The following FILIP1 variants were observed in gnomAD, a reference collection of about 807,000 sequenced individuals.
FILIP1 encodes filamin A interacting protein 1.
Under a neutral mutation model 102.1 loss-of-function variants are expected in FILIP1, and 61 were observed. That is an observed-to-expected ratio of 0.60 (90% CI 0.49 to 0.74). The LOEUF is 0.74. FILIP1 is among the 30% of genes least tolerant of loss of function. The pLI is 0.00. For missense variants in FILIP1, 1,314 were observed against 1,441.2 expected (o/e 0.91, Z 1.43); for synonymous variants, 491 against 526.9 (o/e 0.93, Z 0.93).
exon 7 of FILIP1, chr6:75,294,080 A>G (rs1256770503): frequency 6.6e-6 from 1 of 152,232 alleles, no homozygotes; most frequent in Admixed American, 6.5e-5. Context: ...TTAACATCAT[A>G]TAATTTATAA....
intron 4 of FILIP1, among the ~76,000 whole-genome samples, chr6:75,329,105 T>C (rs1325375529): frequency 6.6e-6 from 1 of 152,224 alleles, no homozygotes; most frequent in Non-Finnish European, 1.5e-5. Flanking sequence ...AAGGACAAAC[T>C]GTTTGGGAGA....
At chr6:75,462,431 C>A (rs888215949) in intron 1 of FILIP1, among the ~76,000 whole-genome samples, 1 of 152,132 alleles carries the variant, frequency 6.6e-6, no homozygotes, top group Non-Finnish European at 1.5e-5. Flanking sequence ...AGAAGAGACA[C>A]TGACCCAATC....
chr6:75,441,475 C>G (rs1354170158), intron 1 of FILIP1, among the ~76,000 whole-genome samples: 1 of 152,032 alleles, frequency 6.6e-6, no homozygotes, highest in Non-Finnish European at 1.5e-5. Flanking sequence ...CATCATGGCC[C>G]GTTCTCAATG....
chr6:75,491,472 G>C (rs1020527557), intron 1 of FILIP1, among the ~76,000 whole-genome samples: 3 of 152,172 alleles, frequency 2.0e-5, no homozygotes, highest in African/African-American at 7.2e-5. Context: ...CAATGCTTTA[G>C]TAAAACCAAT....
intron 2 of FILIP1, among the ~76,000 whole-genome samples, chr6:75,409,849 C>T (rs1360605330): frequency 6.6e-6 from 1 of 152,126 alleles, no homozygotes; most frequent in Non-Finnish European, 1.5e-5. Flanking sequence ...ATGGCCCCCA[C>T]CCAGAAATGG....
At chr6:75,479,095 A>G (rs1054195752) in intron 1 of FILIP1, among the ~76,000 whole-genome samples, 13 of 152,118 alleles carry the variant, frequency 8.5e-5, no homozygotes, top group African/African-American at 3.1e-4. Flanking sequence ...CTATCCTAAC[A>G]AGGTCCCTCC....
At chr6:75,445,727 A>G (rs1013264106) in intron 1 of FILIP1, among the ~76,000 whole-genome samples, 1 of 151,348 alleles carries the variant, frequency 6.6e-6, no homozygotes, top group Non-Finnish European at 1.5e-5. Flanking sequence ...TAGTCTATAT[A>G]TTTGTAGATT....
intron 3 of FILIP1, among the ~76,000 whole-genome samples, chr6:75,354,147 C>A (rs1774906369): frequency 6.6e-6 from 1 of 152,126 alleles, no homozygotes; most frequent in Non-Finnish European, 1.5e-5. Flanking sequence ...AAATATGGGT[C>A]ATAGGATATG....
At chr6:75,399,021 C>A (rs1776561140) in intron 2 of FILIP1, 1 of 152,158 alleles carries the variant, frequency 6.6e-6, no homozygotes, top group Non-Finnish European at 1.5e-5. Flanking sequence ...TTCAGAGAAA[C>A]TTCTCTAGTA....
Position 75,308,122 on chromosome 6 carries a change from C to G in FILIP1, c.*569G>C. On this transcript the variant is annotated 3_prime_UTR_variant, in exon 6 of 6. Transcript: ENST00000237172. Reference sequence around the variant, plus strand: ...TTTCATTTCCATTTTATTACATGTTCACATTATTTCCTGAAATCATCTTAG... The same window carrying G: ...TTTCATTTCCATTTTATTACATGTTGACATTATTTCCTGAAATCATCTTAG... The G allele has an allele frequency of 5.1e-6, 5 of 985,770 alleles. No homozygotes were observed. The highest frequency in any genetic ancestry group is 6.0e-6 in the Non-Finnish European group (5 of 829,938). 61.1% of individuals were successfully genotyped at this position (985,770 alleles called of 1,614,324 possible). A position where few individuals can be genotyped will look rare whatever the true frequency, so the allele number is the denominator to read the frequency against.
At chr6:75,355,936 G>A (rs1396304708) in intron 3 of FILIP1, among the ~76,000 whole-genome samples, 1 of 152,038 alleles carries the variant, frequency 6.6e-6, no homozygotes, top group Non-Finnish European at 1.5e-5. Context: ...CTTCATTTCG[G>A]GGTGCTGTGA....
In FILIP1 at chr6:75,483,359, G is replaced by A. The variant is rs1168949534; in HGVS notation, c.-7+10055C>T. Among the ~76,000 whole-genome samples, 7 of 151,972 alleles carry A rather than the reference G, an allele frequency of 4.6e-5. 1 individual carries two copies. On this transcript the variant is annotated intron_variant, in intron 1 of 5. Coordinates refer to ENST00000237172, the MANE Select transcript of FILIP1 (RefSeq NM_015687.5). ...GGTATTGTGAGAGAAGATAGGGGGA[G>A]GTATAAAAGTCCAGACAGAGGAATC...
chr6:75,443,511 T>C (rs1202791057), intron 1 of FILIP1, among the ~76,000 whole-genome samples: 1 of 152,222 alleles, frequency 6.6e-6, no homozygotes, highest in East Asian at 1.9e-4. Flanking sequence ...CACTTCACTT[T>C]TCTGTGTCTT....
intron 4 of FILIP1, among the ~76,000 whole-genome samples, chr6:75,348,647 G>T (rs568461310): frequency 2.0e-5 from 3 of 152,202 alleles, no homozygotes; most frequent in Admixed American, 2.0e-4. Context: ...CACTTACAGG[G>T]TCTAGGTCAG....
At chr6:75,398,157 C>G (rs149115449) in intron 2 of FILIP1, 1 of 152,198 alleles carries the variant, frequency 6.6e-6, no homozygotes, top group African/African-American at 2.4e-5. Context: ...TATGCACTAT[C>G]ACAGTGAAAG....
chr6:75,354,590 A>AC (rs1369092607), intron 3 of FILIP1, among the ~76,000 whole-genome samples: 39 of 142,694 alleles, frequency 2.7e-4, no homozygotes, highest in Non-Finnish European at 4.8e-4. Context: ...AAAAAAAAAA[A>AC]CCTTTTAACC....
At chr6:75,307,988 T>G (rs1199802001), downstream of FILIP1, 6 of 956,834 alleles carry the variant, frequency 6.3e-6, no homozygotes, top group Admixed American at 1.8e-4. Context: ...CATTAATGAT[T>G]TTAAAATTAT....
chr6:75,327,721 CTT>C (rs1236217127), intron 4 of FILIP1, among the ~76,000 whole-genome samples: 1 of 151,534 alleles, frequency 6.6e-6, no homozygotes, highest in East Asian at 1.9e-4. Flanking sequence ...TAATTTAAAA[CTT>C]TGTTTTTCCT....
At chr6:75,425,132 G>C (rs1360772895) in intron 1 of FILIP1, among the ~76,000 whole-genome samples, 1 of 152,086 alleles carries the variant, frequency 6.6e-6, no homozygotes, top group Admixed American at 6.6e-5. Context: ...AACCAAGAAA[G>C]GAGAAATGTA....
Sources: gnomAD v4.1 joint callset for allele counts (sites outside exome capture counted in the v4.1 genomes callset) on GRCh38, gnomAD v4.1.1 for gene constraint, MANE v1.5 for transcripts, NCBI Gene and HGNC (gene_info 2026-07-23, HGNC 2026-07-21) for gene names.